USP32: variants seen among roughly 807,000 people sequenced by gnomAD.
USP32 encodes ubiquitin carboxyl-terminal hydrolase 32.
In USP32, 59 loss-of-function variants were observed where a neutral mutation model predicts 204.8. The ratio of observed to expected loss-of-function variants is 0.29; its 90% CI spans 0.23 to 0.36. The LOEUF (loss-of-function observed/expected upper bound fraction) is 0.36. USP32 is among the 10% of genes least tolerant of loss of function. The pLI is 1.00. For missense variants in USP32, 1,160 were observed against 1,946.4 expected, an observed-to-expected ratio of 0.60 and a Z score of 7.60; for synonymous variants, 517 against 678.4, an observed-to-expected ratio of 0.76 and a Z score of 3.70.
chr17:60,349,626 A>ATATATATATATATATATATAT (rs2088894313), intron 1 of USP32, among the ~76,000 whole-genome samples: 2 of 76,296 alleles, frequency 2.6e-5, no homozygotes, highest in Non-Finnish European at 4.4e-5. Flanking sequence ...TATATATATT[A>ATATATATATATATATATATAT]TATATATATA....
exon 1 of USP32, chr17:60,422,376 C>G (rs1357249873): frequency 5.6e-6 from 7 of 1,255,870 alleles, no homozygotes; most frequent in Non-Finnish European, 7.5e-6. Context: ...TAGTCCAGAT[C>G]CCAGCTGGAG....
chr17:60,204,376 G>C (rs143069047), intron 26 of USP32, among the ~76,000 whole-genome samples: 42 of 151,670 alleles, frequency 2.8e-4, no homozygotes, highest in African/African-American at 9.2e-4. Context: ...GAGTGGAGTG[G>C]TTATTTACAG....
intron 27 of USP32, among the ~76,000 whole-genome samples, chr17:60,196,024 C>A (rs1404684404): frequency 2.0e-5 from 3 of 152,160 alleles, no homozygotes; most frequent in African/African-American, 4.8e-5. Flanking sequence ...GTAATCCCAC[C>A]ACTTTGGGAG....
At chr17:60,299,626 A>G (rs531537942) in intron 3 of USP32, among the ~76,000 whole-genome samples, 1 of 152,282 alleles carries the variant, frequency 6.6e-6, no homozygotes, top group African/African-American at 2.4e-5. Flanking sequence ...TCCACACATG[A>G]ACTTTGGGTA....
At chr17:60,328,632 G>A (rs1261018765) in intron 2 of USP32, among the ~76,000 whole-genome samples, 1 of 152,218 alleles carries the variant, frequency 6.6e-6, no homozygotes, top group Non-Finnish European at 1.5e-5. Flanking sequence ...CCACATTGTG[G>A]GCAAAGAGAA....
intron 14 of USP32, among the ~76,000 whole-genome samples, chr17:60,222,775 G>A (rs917172085): frequency 6.7e-6 from 1 of 148,850 alleles, no homozygotes; most frequent in Non-Finnish European, 1.5e-5. Flanking sequence ...TCCGCCTCCC[G>A]GGTTCCAGTG....
chr17:60,272,564 C>T (rs2086748008), intron 5 of USP32, among the ~76,000 whole-genome samples: 1 of 152,170 alleles, frequency 6.6e-6, no homozygotes, highest in African/African-American at 2.4e-5. Flanking sequence ...GTAACTAGCA[C>T]CAGACTTCAC....
intron 1 of USP32, among the ~76,000 whole-genome samples, chr17:60,407,462 T>G (rs1474930257): frequency 6.6e-6 from 1 of 152,158 alleles, no homozygotes; most frequent in African/African-American, 2.4e-5. Flanking sequence ...CTAAAAGGTC[T>G]AAACTAGGTC....
At chr17:60,314,445 G>A in intron 2 of USP32, among the ~76,000 whole-genome samples, 1 of 151,738 alleles carries the variant, frequency 6.6e-6, no homozygotes, top group East Asian at 1.9e-4. Flanking sequence ...GCCTGGCCCT[G>A]TGTAGCCTTA....
At chr17:60,293,242 A>G (rs971336763) in intron 4 of USP32, among the ~76,000 whole-genome samples, 11 of 152,186 alleles carry the variant, frequency 7.2e-5, no homozygotes, top group African/African-American at 2.7e-4. Flanking sequence ...TGGGTAGCCA[A>G]CCACCCTTAG....
intron 2 of USP32, among the ~76,000 whole-genome samples, chr17:60,340,686 T>C (rs1178314367): frequency 6.6e-6 from 1 of 152,238 alleles, no homozygotes; most frequent in African/African-American, 2.4e-5. Context: ...GTTAATATTG[T>C]TACATGTGAA....
chr17:60,315,673 C>T (rs2087957838), intron 2 of USP32, among the ~76,000 whole-genome samples: 1 of 151,898 alleles, frequency 6.6e-6, no homozygotes, highest in African/African-American at 2.4e-5. Flanking sequence ...TGGAAACAAC[C>T]CATAAAAAGA....
chr17:60,271,463 A>G lies in USP32; in HGVS notation c.590T>C (p.Ile197Thr), dbSNP rs138623701. 1.9e-6 allele frequency: 3 copies of G among 1,613,952 alleles called. No homozygotes were observed. The highest frequency in any genetic ancestry group is 2.5e-6 in the Non-Finnish European group (3 of 1,179,954). ...GVTHLEESDI[I>T]DLEKRYWLLK... ...TAACCAATAGCGTTTCTCAAGATCA[A>G]TGATGTCTGATTCCTCCACTAAGGG... Residue 197 changes from isoleucine to threonine, a missense_variant, in exon 6 of 34, where the codon ATT becomes ACT. This residue lies in a region of USP32 where 536 missense variants were observed against 680.9 expected (regional missense o/e 0.79). Coordinates refer to ENST00000300896, the MANE Select transcript of USP32 (RefSeq NM_032582.4).
At position 60,288,513 on chromosome 17, in the gene USP32, C is replaced by A. The variant is rs1268376197; in HGVS notation, c.571+10G>T. 3 of 1,575,060 alleles carry A rather than the reference C, an allele frequency of 1.9e-6. No individual in the cohort carries two copies. The African/African-American group carries it at 4.1e-5, about 22-fold the overall frequency. On this transcript the variant is annotated intron_variant, in intron 5 of 33. Coordinates refer to ENST00000300896, the MANE Select transcript of USP32 (RefSeq NM_032582.4). ...AGGCAAACAGAAAACAATGAAATGT[C>A]ATTACTTACAATGTGTGACTCCAGC...
chr17:60,265,314 G>A (rs771610418), intron 9 of USP32, 98 bp downstream of exon 9: 5 of 771,706 alleles, frequency 6.5e-6, no homozygotes, highest in Non-Finnish European at 1.0e-5. Context: ...TTGGTAGGGA[G>A]GATGCCAAAG....
intron 2 of USP32, among the ~76,000 whole-genome samples, chr17:60,309,473 G>A (rs761993157): frequency 2.0e-5 from 3 of 151,814 alleles, no homozygotes; most frequent in Non-Finnish European, 2.9e-5. Context: ...GTGGTGGCAC[G>A]CACTTGTAAT....
At chr17:60,316,714 G>T (rs1423836233) in intron 2 of USP32, among the ~76,000 whole-genome samples, 2 of 151,986 alleles carry the variant, frequency 1.3e-5, no homozygotes, top group Non-Finnish European at 2.9e-5. Flanking sequence ...GGTGGTGGGC[G>T]CCTGTAGTCC....
intron 1 of USP32, among the ~76,000 whole-genome samples, chr17:60,362,421 C>T (rs2089228349): frequency 6.6e-6 from 1 of 152,166 alleles, no homozygotes; most frequent in Non-Finnish European, 1.5e-5. Flanking sequence ...CATTCTGAAA[C>T]ATGTAAAATA....
chr17:60,278,975 T>C (rs1260447870), intron 5 of USP32, among the ~76,000 whole-genome samples: 1 of 151,930 alleles, frequency 6.6e-6, no homozygotes, highest in African/African-American at 2.4e-5. Flanking sequence ...AAGGAAAGAG[T>C]ATTATAAGAA....
Sources: allele counts gnomAD v4.1 joint callset (sites outside exome capture counted in the v4.1 genomes callset), GRCh38; gene constraint gnomAD v4.1.1; regional missense constraint gnomAD v4.1.1; transcripts MANE v1.5; gene names NCBI Gene and HGNC (gene_info 2026-07-23, HGNC 2026-07-21).